Variants in FAM220A observed in about 807,000 individuals in gnomAD.
FAM220A encodes the protein family with sequence similarity 220 member A.
For synonymous variants in FAM220A, 141 were observed against 130.7 expected (o/e 1.08, Z -0.54); for missense variants, 392 against 321.6 (o/e 1.22, Z -1.68).
chr7:6,342,252 AAC>A (rs1328152380), intron 1 of FAM220A, among the ~76,000 whole-genome samples: 1 of 151,402 alleles, frequency 6.6e-6, no homozygotes, highest in Non-Finnish European at 1.5e-5. Context: ...GTCTTATAGA[AAC>A]AGTGTCTAGG....
chr7:6,333,619 C>G (rs912751635), intron 1 of FAM220A, among the ~76,000 whole-genome samples: 1 of 151,942 alleles, frequency 6.6e-6, no homozygotes, highest in Non-Finnish European at 1.5e-5. Flanking sequence ...CTAATTCAGC[C>G]TCCTGTGTCA....
At chr7:6,342,654 C>T (rs1482228672) in intron 1 of FAM220A, among the ~76,000 whole-genome samples, 2 of 152,142 alleles carry the variant, frequency 1.3e-5, no homozygotes, top group Non-Finnish European at 2.9e-5. Context: ...AGCTTACATG[C>T]AAATGTTCGT....
rs562409705 is a variant in FAM220A, at chr7:6,330,132, G to A, written c.*243C>T. On this transcript the variant is annotated 3_prime_UTR_variant, in exon 2 of 2. Transcript: ENST00000313324. ...TCTGGTATTTATACAGGCTATGATCGTCTCCTGAAATGTTTCCCAATTCTT... is the reference window on the plus strand; with the variant it reads ...TCTGGTATTTATACAGGCTATGATCATCTCCTGAAATGTTTCCCAATTCTT... 5.6e-5 allele frequency: 29 copies of A among 513,302 alleles called. No individual in the cohort carries two copies. The highest frequency in any genetic ancestry group is 1.1e-4 in the Admixed American group (3 of 26,324). The allele number at this position is 513,302 out of a possible 1,614,324, so 31.8% of individuals were successfully genotyped here. A position where few individuals can be genotyped will look rare whatever the true frequency, so the allele number is the denominator to read the frequency against.
intron 1 of FAM220A, among the ~76,000 whole-genome samples, chr7:6,334,450 A>G (rs1161676466): frequency 6.6e-6 from 1 of 151,880 alleles, no homozygotes; most frequent in African/African-American, 2.4e-5. Flanking sequence ...GCAGGAGAAC[A>G]GCTTGAGTCC....
At chr7:6,344,603 G>A (rs1341571688) in intron 1 of FAM220A, among the ~76,000 whole-genome samples, 1 of 151,990 alleles carries the variant, frequency 6.6e-6, no homozygotes, top group Non-Finnish European at 1.5e-5. Context: ...ATTTTTTGTA[G>A]AGACGGAGTT....
intron 1 of FAM220A, among the ~76,000 whole-genome samples, chr7:6,336,000 C>G (rs1298220432): frequency 6.6e-6 from 1 of 151,990 alleles, no homozygotes; most frequent in African/African-American, 2.4e-5. Context: ...CGGTGAAACC[C>G]CGTCTCTACT....
intron 1 of FAM220A, among the ~76,000 whole-genome samples, chr7:6,331,933 A>G (rs1422174137): frequency 6.6e-6 from 1 of 151,474 alleles, no homozygotes; most frequent in African/African-American, 2.4e-5. Context: ...TTTAGTAGAG[A>G]TGAGGGTTCG....
chr7:6,330,842 C>T lies in FAM220A; in HGVS notation c.313G>A (p.Gly105Ser), dbSNP rs776649981. 1 of 1,614,192 alleles carries T rather than the reference C, an allele frequency of 6.2e-7. No individual in the cohort carries two copies. Among genetic ancestry groups the T allele is most frequent in the Non-Finnish European group, 8.5e-7 (1 of 1,180,030 alleles). Residue 105 changes from glycine (G) to serine (S), a missense_variant, in exon 2 of 2, where the codon GGT becomes AGT. By Grantham distance (56) the Gly-to-Ser change is moderately conservative. Coordinates refer to ENST00000313324, the MANE Select transcript of FAM220A (RefSeq NM_001037163.2). Reference protein sequence around the residue: ...ASAATPSTAVGLFPAPTECFA... With the variant: ...ASAATPSTAVSLFPAPTECFA... The stretch of plus-strand genomic sequence containing the variant: ...CACTCTGTTGGAGCAGGGAACAAAC[C>T]CACGGCTGTGCTCGGAGTGGCTGCT...
At chr7:6,340,353 G>T (rs1288316866) in intron 1 of FAM220A, among the ~76,000 whole-genome samples, 1 of 152,140 alleles carries the variant, frequency 6.6e-6, no homozygotes, top group Non-Finnish European at 1.5e-5. Context: ...ACAAAACGCT[G>T]CTGAGAGGGT....
rs1336388368 is a variant in FAM220A at position 6,346,978 on chromosome 7, G to A, written c.-82+1595C>T. On this transcript the variant is annotated intron_variant, in intron 1 of 1. Coordinates refer to ENST00000313324, the MANE Select transcript of FAM220A (RefSeq NM_001037163.2). ...GAATGCAAGAGGGGCTCAGGACTTG[G>A]CCAGCTTTCTTTGAGAAAGAATTCT... Among the ~76,000 whole-genome samples the A allele has an allele frequency of 2.6e-5, 4 of 152,104 alleles. No homozygotes were observed. The South Asian group carries it at 6.2e-4, about 24-fold the overall frequency.
At position 6,348,901 on chromosome 7, in the gene FAM220A, T is replaced by C. The variant is rs973337750; in HGVS notation, c.-410A>G. The C allele has an allele frequency of 2.6e-6, 1 of 385,244 alleles. No homozygotes were observed. The highest frequency in any genetic ancestry group is 2.1e-5 in the African/African-American group (1 of 47,782). The allele number at this position is 385,244 out of a possible 1,614,324, so 23.9% of individuals were successfully genotyped here. On this transcript the variant is annotated 5_prime_UTR_variant, in exon 1 of 2. Coordinates refer to ENST00000313324, the MANE Select transcript of FAM220A (RefSeq NM_001037163.2). ...GCGGGCGGGCCGCAGTGGAGCGGAG[T>C]CCGCACGTCACGCTCGGAGAAGTGC...
At chr7:6,345,213 G>A (rs1781932045) in intron 1 of FAM220A, among the ~76,000 whole-genome samples, 1 of 151,844 alleles carries the variant, frequency 6.6e-6, no homozygotes, top group Non-Finnish European at 1.5e-5. Flanking sequence ...GGCCTCCTTG[G>A]CTCAAGCGAT....
At chr7:6,345,272 G>C (rs1050397354) in intron 1 of FAM220A, among the ~76,000 whole-genome samples, 5 of 150,864 alleles carry the variant, frequency 3.3e-5, no homozygotes, top group Non-Finnish European at 5.9e-5. Flanking sequence ...CACGCACCAC[G>C]ACACCCGGCT....
At chr7:6,343,399 T>C (rs948188097) in intron 1 of FAM220A, among the ~76,000 whole-genome samples, 2 of 202 alleles carry the variant, frequency 9.9e-3, no homozygotes, top group Non-Finnish European at 0.018. Context: ...AATAATTTCA[T>C]ATATATATAT....
chr7:6,341,314 G>A (rs1419312026), intron 1 of FAM220A, among the ~76,000 whole-genome samples: 2 of 151,292 alleles, frequency 1.3e-5, no homozygotes, highest in East Asian at 1.9e-4. Flanking sequence ...CTGGTGGCGG[G>A]CGCCTGTAGT....
intron 1 of FAM220A, among the ~76,000 whole-genome samples, chr7:6,334,120 A>G (rs1055133602): frequency 1.3e-5 from 2 of 150,762 alleles, no homozygotes; most frequent in Non-Finnish European, 3.0e-5. Flanking sequence ...TGCTGGGATT[A>G]CAAGCGTGAG....
intron 1 of FAM220A, among the ~76,000 whole-genome samples, chr7:6,348,260 A>C (rs981027503): frequency 2.0e-5 from 3 of 151,180 alleles, no homozygotes; most frequent in Non-Finnish European, 2.9e-5. Context: ...TTTGGGAACT[A>C]GAAAATTCAC....
At chr7:6,331,887 C>G (rs1781643707) in intron 1 of FAM220A, among the ~76,000 whole-genome samples, 1 of 150,372 alleles carries the variant, frequency 6.7e-6, no homozygotes, top group African/African-American at 2.4e-5. Flanking sequence ...ATTACAGGTG[C>G]CTGCCACCAT....
At chr7:6,336,752 T>C (rs1272335326) in intron 1 of FAM220A, among the ~76,000 whole-genome samples, 1 of 151,126 alleles carries the variant, frequency 6.6e-6, no homozygotes, top group African/African-American at 2.4e-5. Context: ...TTCCTCAAGG[T>C]TGGGTCATCA....
Sources: gnomAD v4.1 joint callset for allele counts (sites outside exome capture counted in the v4.1 genomes callset) on GRCh38, gnomAD v4.1.1 for gene constraint, MANE v1.5 for transcripts, NCBI Gene and HGNC (gene_info 2026-07-23, HGNC 2026-07-21) for gene names.